Variants in ADAMTSL1 observed in about 807,000 individuals in gnomAD.
The protein encoded by ADAMTSL1 is ADAMTS-like protein 1.
In ADAMTSL1, 126 loss-of-function variants were observed where a neutral mutation model predicts 201.8. That is an observed-to-expected ratio of 0.62 (90% confidence interval 0.54 to 0.72). The LOEUF (loss-of-function observed/expected upper bound fraction) is 0.72. Ranked by LOEUF, ADAMTSL1 falls within the 30% of genes least tolerant of loss-of-function variation. ADAMTSL1 has a pLI of 0.00. For missense variants in ADAMTSL1, 2,679 were observed against 2,277.8 expected (o/e 1.18, Z -3.59); for synonymous variants, 1,121 against 903.4 (o/e 1.24, Z -4.32).
chr9:18,324,176 T>A (rs1834733389), intron 2 of ADAMTSL1, among the ~76,000 whole-genome samples: 1 of 152,210 alleles, frequency 6.6e-6, no homozygotes, highest in Non-Finnish European at 1.5e-5. Context: ...GTATATTTAC[T>A]TTTTACAAAA....
At chr9:18,847,801 G>T (rs980575678) in intron 23 of ADAMTSL1, among the ~76,000 whole-genome samples, 1 of 152,222 alleles carries the variant, frequency 6.6e-6, no homozygotes, top group African/African-American at 2.4e-5. Context: ...TACACAGAAG[G>T]AGAGAAGATC....
At chr9:18,082,538 T>C (rs1298645034) in intron 1 of ADAMTSL1, among the ~76,000 whole-genome samples, 1 of 152,168 alleles carries the variant, frequency 6.6e-6, no homozygotes, top group Non-Finnish European at 1.5e-5. Context: ...CATGACATTT[T>C]CAGCTTCTTA....
At chr9:18,266,034 ATAATT>A (rs1327038747) in intron 2 of ADAMTSL1, among the ~76,000 whole-genome samples, 2 of 152,116 alleles carry the variant, frequency 1.3e-5, no homozygotes, top group African/African-American at 2.4e-5. Context: ...TAAAGTAAAA[ATAATT>A]TAAGAACTTT....
At chr9:18,126,541 A>AG (rs1825736913) in intron 1 of ADAMTSL1, among the ~76,000 whole-genome samples, 2 of 152,206 alleles carry the variant, frequency 1.3e-5, no homozygotes, top group Non-Finnish European at 2.9e-5. Flanking sequence ...CACACGTGGC[A>AG]GAGTGTCCAC....
intron 23 of ADAMTSL1, among the ~76,000 whole-genome samples, chr9:18,837,459 T>C (rs1825384189): frequency 6.6e-6 from 1 of 152,234 alleles, no homozygotes; most frequent in African/African-American, 2.4e-5. Context: ...GTTATGTTTG[T>C]CTCTTATACC....
At chr9:18,633,478 C>T (rs1020854817) in intron 5 of ADAMTSL1, among the ~76,000 whole-genome samples, 12 of 152,134 alleles carry the variant, frequency 7.9e-5, no homozygotes, top group Admixed American at 3.3e-4. Context: ...GTAATCCCAG[C>T]TACTTGAGGC....
intron 1 of ADAMTSL1, among the ~76,000 whole-genome samples, chr9:17,967,152 G>A (rs984243088): frequency 5.3e-5 from 8 of 152,046 alleles, no homozygotes; most frequent in African/African-American, 1.9e-4. Context: ...TGTCTCTAGG[G>A]CATGTCCGGA....
chr9:18,783,869 C>G (rs1011102332), intron 19 of ADAMTSL1, among the ~76,000 whole-genome samples: 1 of 152,226 alleles, frequency 6.6e-6, no homozygotes, highest in Non-Finnish European at 1.5e-5. Flanking sequence ...GAGAAGTTTA[C>G]TGCCTCCTGC....
rs183078564 is a variant in ADAMTSL1 at position 18,020,956 on chromosome 9, A to C, written c.87+114034A>C. ...GGTATAACTTCAATGCCACCCTTTA[A>C]ATCCCTAGTCATCTGGGCGTGATAG... is the stretch of plus-strand genomic sequence containing the variant. On this transcript the variant is annotated intron_variant, in intron 1 of 29. Transcript: ENST00000680146. 3.3e-4 allele frequency among the ~76,000 whole-genome samples: 50 copies of C among 152,192 alleles called. No homozygotes were observed. The East Asian group carries it at 9.7e-3, about 30-fold the overall frequency.
chr9:18,270,324 C>T (rs987004905), intron 2 of ADAMTSL1, among the ~76,000 whole-genome samples: 1 of 152,022 alleles, frequency 6.6e-6, no homozygotes, highest in African/African-American at 2.4e-5. Context: ...ATACCATCAT[C>T]GAGAGGGTTA....
intron 2 of ADAMTSL1, among the ~76,000 whole-genome samples, chr9:18,526,348 G>T (rs1819047605): frequency 1.3e-5 from 2 of 152,116 alleles, no homozygotes. Context: ...ACATGAGATG[G>T]GTCTCCTGAA....
intron 1 of ADAMTSL1, among the ~76,000 whole-genome samples, chr9:18,128,461 C>G (rs1477709401): frequency 6.6e-6 from 1 of 152,130 alleles, no homozygotes; most frequent in Non-Finnish European, 1.5e-5. Flanking sequence ...TTCCCAGGCT[C>G]AAGTGATTCT....
At chr9:18,667,969 C>T (rs1829563054) in intron 9 of ADAMTSL1, among the ~76,000 whole-genome samples, 1 of 151,820 alleles carries the variant, frequency 6.6e-6, no homozygotes, top group Non-Finnish European at 1.5e-5. Flanking sequence ...TGTCTGATAA[C>T]CTCTACTTTA....
chr9:17,925,728 A>C (rs1826496582), intron 1 of ADAMTSL1, among the ~76,000 whole-genome samples: 1 of 131,836 alleles, frequency 7.6e-6, no homozygotes. Flanking sequence ...GGGGGGAGGG[A>C]TAGCATTGGG....
chr9:17,955,681 T>C (rs905190232), intron 1 of ADAMTSL1, among the ~76,000 whole-genome samples: 4 of 152,230 alleles, frequency 2.6e-5, no homozygotes, highest in Non-Finnish European at 5.9e-5. Context: ...TATCTGCATG[T>C]CAGTCACTCA....
intron 5 of ADAMTSL1, among the ~76,000 whole-genome samples, chr9:18,630,531 A>T (rs1021323402): frequency 2.0e-5 from 3 of 152,088 alleles, no homozygotes; most frequent in Non-Finnish European, 4.4e-5. Flanking sequence ...TGTCTACTCA[A>T]TTCAGGGAAT....
Position 18,775,792 on chromosome 9 carries a change from G to C in ADAMTSL1, c.2447G>C (p.Arg816Pro), listed in dbSNP as rs553601312. The change falls in exon 18 of 29, where the codon CGA (arginine) becomes CCA (proline). Residue 816 changes from arginine to proline, a missense_variant. Physicochemically the swap from Arg to Pro is moderately radical, Grantham distance 103. Transcript: ENST00000380548. ...ACCCAGACTCGAAGCGCCATTTGCCGAAAGATGCTGAAAACCGGCCTCTCA... is the reference window on the plus strand; with the variant it reads ...ACCCAGACTCGAAGCGCCATTTGCCCAAAGATGCTGAAAACCGGCCTCTCA... ...EGTQTRSAIC[R>P]KMLKTGLSTV... 6.2e-7 allele frequency: 1 copy of C among 1,611,996 alleles called. No individual in the cohort carries two copies. Among genetic ancestry groups the C allele is most frequent in the Admixed American group, 1.7e-5 (1 of 59,844 alleles).
intron 1 of ADAMTSL1, among the ~76,000 whole-genome samples, chr9:18,084,837 C>G (rs2131788370): frequency 6.6e-6 from 1 of 152,048 alleles, no homozygotes; most frequent in South Asian, 2.1e-4. Context: ...TCAGGTAAAG[C>G]AGAAATATGT....
chr9:17,930,616 T>C (rs367846566), intron 1 of ADAMTSL1, among the ~76,000 whole-genome samples: 1 of 152,240 alleles, frequency 6.6e-6, no homozygotes, highest in East Asian at 1.9e-4. Flanking sequence ...TACATATGGA[T>C]TCACAAATGA....
Sources: allele counts gnomAD v4.1 joint callset (sites outside exome capture counted in the v4.1 genomes callset), GRCh38; gene constraint gnomAD v4.1.1; transcripts MANE v1.5; gene names NCBI Gene and HGNC (gene_info 2026-07-23, HGNC 2026-07-21).